The following EXOC4 variants were observed in gnomAD, a reference collection of about 807,000 sequenced individuals.
EXOC4 encodes the protein SEC8-like 1.
A neutral mutation model predicts 107.2 loss-of-function variants in EXOC4; 71 were observed. The ratio of observed to expected loss-of-function variants is 0.66; its 90% confidence interval spans 0.55 to 0.81. The LOEUF (loss-of-function observed/expected upper bound fraction) is 0.81, where lower values mean the gene tolerates loss of function less well. Ranked by LOEUF, EXOC4 falls within the 30% of genes least tolerant of loss-of-function variation. EXOC4 has a pLI of 0.00. For synonymous variants in EXOC4, 456 were observed against 441.2 expected, an observed-to-expected ratio of 1.03 and a Z score of -0.42; for missense variants, 1,108 against 1,189.6, an observed-to-expected ratio of 0.93 and a Z score of 1.01.
chr7:133,552,805 A>G (rs568557840), intron 9 of EXOC4, among the ~76,000 whole-genome samples: 1 of 151,990 alleles, frequency 6.6e-6, no homozygotes, highest in Non-Finnish European at 1.5e-5. Context: ...AACAAATCAT[A>G]TTTTTTCACA....
chr7:133,939,793 G>A (rs1181636327), intron 14 of EXOC4, among the ~76,000 whole-genome samples: 2 of 152,146 alleles, frequency 1.3e-5, no homozygotes, highest in Non-Finnish European at 2.9e-5. Flanking sequence ...TTTTACATAA[G>A]GAGGTATCCG....
chr7:133,689,657 T>C (rs1794378451), intron 10 of EXOC4, among the ~76,000 whole-genome samples: 1 of 152,156 alleles, frequency 6.6e-6, no homozygotes. Flanking sequence ...TTTGATCAGA[T>C]ATTCAGGGTG....
At chr7:133,688,067 C>T (rs1004379290) in intron 10 of EXOC4, among the ~76,000 whole-genome samples, 91 of 152,272 alleles carry the variant, frequency 6.0e-4, no homozygotes, top group African/African-American at 2.1e-3. Flanking sequence ...TTTAGCATCA[C>T]TTTCCATGCC....
At chr7:133,992,462 T>C (rs1401523676) in intron 14 of EXOC4, among the ~76,000 whole-genome samples, 3 of 151,928 alleles carry the variant, frequency 2.0e-5, no homozygotes, top group Non-Finnish European at 2.9e-5. Flanking sequence ...TTTGTACTTT[T>C]ATTAAAGACA....
At chr7:134,054,012 C>T (rs1795864227) in intron 17 of EXOC4, among the ~76,000 whole-genome samples, 1 of 152,144 alleles carries the variant, frequency 6.6e-6, no homozygotes, top group Non-Finnish European at 1.5e-5. Context: ...ATGCCATGAT[C>T]TTGGCTCACT....
rs117810178 is a variant in EXOC4 at position 133,429,593 on chromosome 7, T to G, written c.1183-45735T>G. On this transcript the variant is annotated intron_variant, in intron 7 of 17. Transcript: ENST00000253861. ...ACTGGCCTTTAGCAATCACTCACCA[T>G]TAGCAGTCACTCCCATTCCTGCTTC... Among the ~76,000 whole-genome samples, 12 of 152,318 alleles carry G rather than the reference T, an allele frequency of 7.9e-5. No homozygotes were observed. In the East Asian group the frequency reaches 1.9e-3, roughly 24 times the overall value.
At chr7:133,925,838 C>T (rs1380946780) in intron 13 of EXOC4, among the ~76,000 whole-genome samples, 6 of 151,856 alleles carry the variant, frequency 4.0e-5, no homozygotes, top group African/African-American at 1.2e-4. Context: ...GAGTTCGAGA[C>T]CAGCCTGACC....
chr7:133,294,893 C>T (rs1047420090), intron 3 of EXOC4, among the ~76,000 whole-genome samples: 1 of 151,932 alleles, frequency 6.6e-6, no homozygotes, highest in Non-Finnish European at 1.5e-5. Context: ...TGCTTGAATC[C>T]CAGCTTTGAC....
chr7:133,680,756 CT>C (rs978730072), intron 10 of EXOC4, among the ~76,000 whole-genome samples: 57 of 152,196 alleles, frequency 3.7e-4, no homozygotes, highest in African/African-American at 1.4e-3. Flanking sequence ...TTTTGATGAA[CT>C]TTTCCCACTT....
chr7:133,865,998 C>T (rs1798631918), intron 11 of EXOC4, among the ~76,000 whole-genome samples: 1 of 152,094 alleles, frequency 6.6e-6, no homozygotes, highest in South Asian at 2.1e-4. Context: ...AATATTTTCT[C>T]AGAGAAATTA....
chr7:133,357,841 A>G (rs938965926), intron 6 of EXOC4, among the ~76,000 whole-genome samples: 4 of 152,160 alleles, frequency 2.6e-5, no homozygotes, highest in African/African-American at 7.2e-5. Flanking sequence ...CAAAAGTACT[A>G]TGTTTGGTGA....
At chr7:133,914,018 CAA>C (rs1262638330) in intron 12 of EXOC4, among the ~76,000 whole-genome samples, 2 of 152,088 alleles carry the variant, frequency 1.3e-5, no homozygotes, top group African/African-American at 4.8e-5. Flanking sequence ...TTAGAATAGT[CAA>C]AGAGTGCGAA....
intron 14 of EXOC4, among the ~76,000 whole-genome samples, chr7:133,978,030 G>T (rs1367127119): frequency 6.6e-6 from 1 of 152,202 alleles, no homozygotes; most frequent in African/African-American, 2.4e-5. Flanking sequence ...ACTTACTCTT[G>T]TAACAGGTAG....
intron 7 of EXOC4, among the ~76,000 whole-genome samples, chr7:133,437,711 C>G (rs1256728262): frequency 6.6e-6 from 1 of 152,170 alleles, no homozygotes; most frequent in African/African-American, 2.4e-5. Context: ...CCTTAAGCTC[C>G]TCTGCTTCCC....
chr7:134,036,088 T>G (rs1795380909), intron 17 of EXOC4, among the ~76,000 whole-genome samples: 1 of 152,242 alleles, frequency 6.6e-6, no homozygotes, highest in Non-Finnish European at 1.5e-5. Context: ...TGACAACTGT[T>G]AATCTCACCT....
At position 133,359,882 on chromosome 7, in the gene EXOC4, C is replaced by T. The variant is rs1215895601; in HGVS notation, c.1007+3309C>T. Reference sequence around the variant, plus strand: ...TATTTTATTTTATTTTGTTTTTGATCTCCCAAACTATCTGTTGTCTATTTA... The same window carrying T: ...TATTTTATTTTATTTTGTTTTTGATTTCCCAAACTATCTGTTGTCTATTTA... On this transcript the variant is annotated intron_variant, in intron 6 of 17. Transcript: ENST00000253861. 2.0e-5 allele frequency among the ~76,000 whole-genome samples: 3 copies of T among 152,128 alleles called. No individual in the cohort carries two copies. In the East Asian group the frequency reaches 5.8e-4, roughly 29 times the overall value.
chr7:133,814,271 G>A (rs561711792), intron 10 of EXOC4, among the ~76,000 whole-genome samples: 5 of 152,066 alleles, frequency 3.3e-5, no homozygotes, highest in Non-Finnish European at 7.4e-5. Flanking sequence ...ACTGCTAACC[G>A]TAGATTGATC....
At chr7:133,732,029 A>G (rs1415766766) in intron 10 of EXOC4, among the ~76,000 whole-genome samples, 1 of 152,168 alleles carries the variant, frequency 6.6e-6, no homozygotes, top group African/African-American at 2.4e-5. Context: ...TAGCAAAGAC[A>G]TGGAATCAAC....
At chr7:133,795,910 CAG>C (rs949808191) in intron 10 of EXOC4, among the ~76,000 whole-genome samples, 3 of 152,106 alleles carry the variant, frequency 2.0e-5, no homozygotes, top group Non-Finnish European at 4.4e-5. Flanking sequence ...TAAGCTTATT[CAG>C]AGAGTCTATG....
Sources: allele counts gnomAD v4.1 joint callset (sites outside exome capture counted in the v4.1 genomes callset), GRCh38; gene constraint gnomAD v4.1.1; transcripts MANE v1.5; gene names NCBI Gene and HGNC (gene_info 2026-07-23, HGNC 2026-07-21).